Variants in PIEZO2 observed in about 807,000 individuals in gnomAD.
PIEZO2 encodes piezo type mechanosensitive ion channel component 2.
Under a neutral mutation model 337.3 loss-of-function variants are expected in PIEZO2, and 172 were observed. The observed-to-expected ratio is 0.51, with a 90% CI of 0.45 to 0.58. The LOEUF is 0.58. Ranked by LOEUF, PIEZO2 falls within the 20% of genes least tolerant of loss-of-function variation. The pLI is 0.00. For synonymous variants in PIEZO2, 1,251 were observed against 1,228.5 expected (o/e 1.02, Z -0.38); for missense variants, 3,028 against 3,391.3 (o/e 0.89, Z 2.66).
At position 10,748,928 on chromosome 18, in the gene PIEZO2, A is replaced by G. The variant is rs985315146; in HGVS notation, c.4265-298T>C. ...CTCTCTTAGGAAGAAAGGGACCTCCAACAAAGGCCACAGAGAAATAATGTC... is the reference window on the plus strand; with the variant it reads ...CTCTCTTAGGAAGAAAGGGACCTCCGACAAAGGCCACAGAGAAATAATGTC... On this transcript the variant is annotated intron_variant, in intron 29 of 55. Coordinates refer to ENST00000674853, the MANE Select transcript of PIEZO2 (RefSeq NM_001378183.1). The surrounding 1 kb of genome is among the most constrained non-coding windows in gnomAD (Gnocchi z 5.1). Among the ~76,000 whole-genome samples the G allele has an allele frequency of 6.6e-6, 1 of 152,156 alleles. No individual in the cohort carries two copies. The highest frequency in any genetic ancestry group is 1.5e-5 in the Non-Finnish European group (1 of 68,022).
At position 11,038,303 on chromosome 18, in the gene PIEZO2, C is replaced by T. The variant is rs775093058; in HGVS notation, c.160+27824G>A. On this transcript the variant is annotated intron_variant, in intron 2 of 55. Coordinates refer to ENST00000674853, the MANE Select transcript of PIEZO2 (RefSeq NM_001378183.1). The surrounding 1 kb of genome is among the most constrained non-coding windows in gnomAD (Gnocchi z 4.1). ...TTGCTTGCAAGAAAAAGCCACAAAT[C>T]TTTAAACTGCTTAGCTGAGCAATAT... 6.6e-6 allele frequency among the ~76,000 whole-genome samples: 1 copy of T among 152,118 alleles called. No individual in the cohort carries two copies. Among genetic ancestry groups the T allele is most frequent in the Non-Finnish European group, 1.5e-5 (1 of 68,022 alleles).
At chr18:11,005,243 G>C (rs2035677892) in intron 2 of PIEZO2, among the ~76,000 whole-genome samples, 2 of 152,240 alleles carry the variant, frequency 1.3e-5, no homozygotes, top group South Asian at 4.1e-4. Context: ...CAATTACCTA[G>C]AGATGTCTCC....
intron 43 of PIEZO2, 145 bp downstream of exon 43, chr18:10,701,844 T>C (rs1567964049): frequency 3.6e-6 from 2 of 555,162 alleles, no homozygotes; most frequent in African/African-American, 2.0e-5. Context: ...CTTTTTTTTT[T>C]TAAAAAAAAC....
intron 27 of PIEZO2, among the ~76,000 whole-genome samples, chr18:10,755,174 C>A (rs1299548564): frequency 6.6e-6 from 1 of 151,994 alleles, no homozygotes; most frequent in Non-Finnish European, 1.5e-5. Flanking sequence ...CAACACCAGG[C>A]AGAAGATGAT....
At chr18:10,876,800 C>G (rs1001934579) in intron 4 of PIEZO2, among the ~76,000 whole-genome samples, 1 of 152,118 alleles carries the variant, frequency 6.6e-6, no homozygotes, top group African/African-American at 2.4e-5. Flanking sequence ...ACATGGGCTC[C>G]CCTTGCCCAT....
In PIEZO2 at chr18:10,789,514, A is replaced by C; in HGVS notation, c.1883-149T>G. The C allele has an allele frequency of 4.5e-6, 4 of 894,004 alleles. No homozygotes were observed. In the South Asian group the frequency reaches 8.3e-5, roughly 19 times the overall value. 55.4% of individuals were successfully genotyped at this position (894,004 alleles called of 1,614,324 possible). On this transcript the variant is annotated intron_variant, in intron 14 of 55. Transcript: ENST00000674853. ...TTTAGACTATTCTCATAAACTCAGCAACATTTATAACTAGATTAAAAGTCA... is the reference window on the plus strand; with the variant it reads ...TTTAGACTATTCTCATAAACTCAGCCACATTTATAACTAGATTAAAAGTCA...
chr18:10,946,292 A>C (rs1336816333), intron 3 of PIEZO2, among the ~76,000 whole-genome samples: 1 of 152,240 alleles, frequency 6.6e-6, no homozygotes, highest in East Asian at 1.9e-4. Flanking sequence ...AGAACCAATG[A>C]AGTGAGAGGA....
Position 10,714,759 on chromosome 18 carries a change from A to C in PIEZO2, c.5423+5T>G, listed in dbSNP as rs1322542396. The C allele has an allele frequency of 3.3e-6, 5 of 1,536,470 alleles. No homozygotes were observed. The Admixed American group carries it at 7.9e-5, about 24-fold the overall frequency. On this transcript the variant is annotated splice_donor_5th_base_variant and intron_variant, in intron 39 of 55. Coordinates refer to ENST00000674853, the MANE Select transcript of PIEZO2 (RefSeq NM_001378183.1). ...AAGTAAACCCATTGTTAGAAAGTGA[A>C]ATACCTGGAGATACTGTCATGTGAA...
chr18:10,916,551 C>A (rs937684048), intron 3 of PIEZO2, among the ~76,000 whole-genome samples: 9 of 152,152 alleles, frequency 5.9e-5, no homozygotes, highest in Non-Finnish European at 7.4e-5. Flanking sequence ...ACTGCCAGGG[C>A]GTGCGGCACC....
intron 3 of PIEZO2, among the ~76,000 whole-genome samples, chr18:10,919,860 C>T (rs1817223193): frequency 6.6e-6 from 1 of 151,996 alleles, no homozygotes; most frequent in Admixed American, 6.6e-5. Flanking sequence ...TAGAGACACA[C>T]ACACACACAC....
intron 10 of PIEZO2, 108 bp downstream of exon 10, chr18:10,801,282 T>C: frequency 1.0e-6 from 1 of 995,232 alleles, no homozygotes; most frequent in Non-Finnish European, 1.4e-6. Flanking sequence ...TGGAAAAGCT[T>C]ATGGAAATTT....
chr18:11,108,570 C>T (rs987456232), intron 1 of PIEZO2, among the ~76,000 whole-genome samples: 15 of 137,890 alleles, frequency 1.1e-4, no homozygotes, highest in Non-Finnish European at 2.0e-4. Context: ...GCTGAGATCG[C>T]ACCACTGCAC....
At chr18:10,770,489 TATC>T (rs1568038429) in intron 20 of PIEZO2, among the ~76,000 whole-genome samples, 181 bp from the exon 21 acceptor site, 1 of 152,214 alleles carries the variant, frequency 6.6e-6, no homozygotes, top group Non-Finnish European at 1.5e-5. Flanking sequence ...ATGACACAGA[TATC>T]ATACTCTCAG....
At chr18:10,949,462 G>C (rs936583136) in intron 3 of PIEZO2, among the ~76,000 whole-genome samples, 1 of 151,018 alleles carries the variant, frequency 6.6e-6, no homozygotes, top group African/African-American at 2.4e-5. Flanking sequence ...TCTAGCCCAG[G>C]GGTGACAGGA....
rs2038203990 is a variant in PIEZO2 at position 10,763,022 on chromosome 18, G to A, written c.3023C>T (p.Ser1008Leu). ...LPYAKLRRLA[S>L]SVCTVWTCVI... ...ACACGTCCAGACTGTGCAGACACTT[G>A]AAGCCAGACGGCGCAGCTTGGCGTA... Residue 1008 changes from serine to leucine, a missense_variant, in exon 22 of 56, where the codon TCA becomes TTA. Around this residue, in one of 5 missense-constraint regions of PIEZO2, gnomAD observed 1,925 missense variants for 2,051.9 expected, o/e 0.94. Coordinates refer to ENST00000674853, the MANE Select transcript of PIEZO2 (RefSeq NM_001378183.1). The A allele has an allele frequency of 6.5e-7, 1 of 1,537,230 alleles. No individual in the cohort carries two copies.
At position 10,677,670 on chromosome 18, in the gene PIEZO2, A is replaced by G; in HGVS notation, c.8081+77T>C. ...GAATGAAGTTGCATTCCTCATACAC[A>G]TGAATCTGTAGATGGACATTTTGTA... is the stretch of plus-strand genomic sequence containing the variant. On this transcript the variant is annotated intron_variant, in intron 53 of 55. Coordinates refer to ENST00000674853, the MANE Select transcript of PIEZO2 (RefSeq NM_001378183.1). The surrounding 1 kb of genome is among the most constrained non-coding windows in gnomAD (Gnocchi z 4.1). The G allele has an allele frequency of 1.3e-6, 2 of 1,495,874 alleles. No homozygotes were observed. Among genetic ancestry groups the G allele is most frequent in the Admixed American group, 2.2e-5 (1 of 45,180 alleles). 92.7% of individuals were successfully genotyped at this position (1,495,874 alleles called of 1,614,324 possible).
intron 2 of PIEZO2, among the ~76,000 whole-genome samples, chr18:11,059,999 A>G (rs566262871): frequency 6.6e-6 from 1 of 152,332 alleles, no homozygotes; most frequent in African/African-American, 2.4e-5. Context: ...TTGACCACAT[A>G]GTTGGAAGTA....
Position 10,837,752 on chromosome 18 carries a change from T to G in PIEZO2, c.917+17601A>C, listed in dbSNP as rs35969029. On this transcript the variant is annotated intron_variant, in intron 7 of 55. Coordinates refer to ENST00000674853, the MANE Select transcript of PIEZO2 (RefSeq NM_001378183.1). The surrounding 1 kb of genome is among the most constrained non-coding windows in gnomAD (Gnocchi z 4.4). ...ATTTTATAAAATTTCCTCATTTTTT[T>G]TTGTTGTTGTTGTTGTTGAGATGAA... Among the ~76,000 whole-genome samples, 1,173 of 152,158 alleles carry G rather than the reference T, an allele frequency of 7.7e-3. 8 individuals carry two copies. Among genetic ancestry groups the G allele is most frequent in the Non-Finnish European group, 0.012 (807 of 67,994 alleles).
chr18:11,085,768 A>G (rs1180591743), intron 1 of PIEZO2, among the ~76,000 whole-genome samples: 2 of 149,002 alleles, frequency 1.3e-5, no homozygotes, highest in Non-Finnish European at 3.0e-5. Flanking sequence ...GAAAATATAG[A>G]AAAAAAATTT....
Sources: gnomAD v4.1 joint callset for allele counts (sites outside exome capture counted in the v4.1 genomes callset) on GRCh38, gnomAD v4.1.1 for gene constraint, gnomAD v4.1.1 regional missense constraint, Gnocchi (gnomAD v3.1) non-coding constraint, MANE v1.5 for transcripts, NCBI Gene and HGNC (gene_info 2026-07-23, HGNC 2026-07-21) for gene names.